Variants in LRBA observed in about 807,000 individuals in gnomAD.
The protein encoded by LRBA is LPS responsive beige-like anchor protein.
LRBA carries 176 observed loss-of-function variants against 330.0 expected under a neutral mutation model. That is an observed-to-expected ratio of 0.53 (90% CI 0.47 to 0.60). The LOEUF is 0.60. Ranked by LOEUF, LRBA falls within the 20% of genes least tolerant of loss-of-function variation. The pLI, the probability that LRBA is intolerant of heterozygous loss-of-function variation, is 0.00. For synonymous variants in LRBA, 1,230 were observed against 1,193.0 expected (o/e 1.03, Z -0.64); for missense variants, 3,259 against 3,444.8 (o/e 0.95, Z 1.35).
chr4:150,408,435 G>A (rs543384522), intron 47 of LRBA, among the ~76,000 whole-genome samples: 33 of 152,198 alleles, frequency 2.2e-4, no homozygotes, highest in South Asian at 4.1e-4. Flanking sequence ...CCTAAATAGC[G>A]TCAGTGGTGA....
chr4:150,725,599 A>G (rs546496958), intron 36 of LRBA, among the ~76,000 whole-genome samples: 37 of 152,352 alleles, frequency 2.4e-4, no homozygotes, highest in African/African-American at 8.4e-4. Flanking sequence ...GAGCTCTACA[A>G]TCTGAAAGAC....
intron 44 of LRBA, among the ~76,000 whole-genome samples, chr4:150,440,223 A>T (rs1581317691): frequency 6.6e-6 from 1 of 152,212 alleles, no homozygotes; most frequent in East Asian, 1.9e-4. Flanking sequence ...TCTTTTAAAA[A>T]ATCAGTAAAA....
At position 150,579,970 on chromosome 4, in the gene LRBA, C is replaced by T. The variant is rs1444378461; in HGVS notation, c.6330+8078G>A. 5.8e-5 allele frequency: 19 copies of T among 325,718 alleles called. No homozygotes were observed. In the Admixed American group the frequency reaches 5.9e-4, roughly 10 times the overall value. 20.2% of individuals were successfully genotyped at this position (325,718 alleles called of 1,614,324 possible). A position where few individuals can be genotyped will look rare whatever the true frequency, so the allele number is the denominator to read the frequency against. On this transcript the variant is annotated intron_variant, in intron 40 of 56. Coordinates refer to ENST00000651943, the MANE Select transcript of LRBA (RefSeq NM_001364905.1). Reference sequence around the variant, plus strand: ...GCCCCCGGAGAAGCAACCACGGAGCCCCTCCCGGCCAGTCGCGCTCTCCCG... The same window carrying T: ...GCCCCCGGAGAAGCAACCACGGAGCTCCTCCCGGCCAGTCGCGCTCTCCCG...
intron 40 of LRBA, among the ~76,000 whole-genome samples, chr4:150,559,765 TTA>T (rs1250989618): frequency 3.5e-5 from 3 of 85,864 alleles, no homozygotes; most frequent in African/African-American, 4.9e-5. Context: ...ACATTATAGA[TTA>T]TATATATTAT....
intron 46 of LRBA, among the ~76,000 whole-genome samples, chr4:150,430,898 T>C (rs1750296910): frequency 6.6e-6 from 1 of 152,060 alleles, no homozygotes; most frequent in Non-Finnish European, 1.5e-5. Flanking sequence ...AAGAAAATAA[T>C]TTAAACTGCA....
chr4:150,512,794 C>T (rs1761968242), intron 40 of LRBA, among the ~76,000 whole-genome samples: 1 of 148,592 alleles, frequency 6.7e-6, no homozygotes, highest in Non-Finnish European at 1.5e-5. Context: ...AAACATGTTT[C>T]TGAACACCTT....
chr4:150,831,746 T>C (rs1042834464), intron 29 of LRBA, 71 bp downstream of exon 29: 1 of 1,186,154 alleles, frequency 8.4e-7, no homozygotes, highest in South Asian at 1.8e-5. Flanking sequence ...CCAATATCAA[T>C]ATTTTAACCA....
intron 2 of LRBA, among the ~76,000 whole-genome samples, chr4:150,947,777 A>G (rs2149537317): frequency 6.6e-6 from 1 of 152,100 alleles, no homozygotes; most frequent in African/African-American, 2.4e-5. Context: ...AAAAACAGAA[A>G]CCTCCTAGAA....
intron 36 of LRBA, among the ~76,000 whole-genome samples, chr4:150,709,552 A>G (rs1276311156): frequency 6.6e-6 from 1 of 151,916 alleles, no homozygotes; most frequent in Non-Finnish European, 1.5e-5. Context: ...ACTACTTTTA[A>G]TCAGGTAAAA....
At chr4:150,564,281 T>C (rs956829865) in intron 40 of LRBA, among the ~76,000 whole-genome samples, 2 of 152,070 alleles carry the variant, frequency 1.3e-5, no homozygotes, top group African/African-American at 4.8e-5. Flanking sequence ...AAACAAGAAA[T>C]GGGGAAAGGA....
intron 48 of LRBA, among the ~76,000 whole-genome samples, chr4:150,344,036 C>G (rs1157558451): frequency 6.6e-6 from 1 of 152,116 alleles, no homozygotes; most frequent in Non-Finnish European, 1.5e-5. Context: ...TTTTGTTCTT[C>G]TCCACTTTCA....
chr4:150,919,279 GTGGTGA>G (rs1007057025), intron 5 of LRBA, among the ~76,000 whole-genome samples: 8 of 152,144 alleles, frequency 5.3e-5, no homozygotes, highest in African/African-American at 1.9e-4. Flanking sequence ...AAAATTGACT[GTGGTGA>G]TGGTTGACAA....
At position 150,418,102 on chromosome 4, in the gene LRBA, G is replaced by A. The variant is rs1011038926; in HGVS notation, c.7042-2512C>T. ...AGTAGTGGCACAATCATAGTTCACC[G>A]TAACCTCAAACTTTAATCGATCTTT... On this transcript the variant is annotated intron_variant, in intron 46 of 56. Transcript: ENST00000651943. 9.3e-5 allele frequency among the ~76,000 whole-genome samples: 14 copies of A among 150,688 alleles called. No individual in the cohort carries two copies. The East Asian group carries it at 9.8e-4, about 11-fold the overall frequency.
chr4:150,553,382 G>C (rs1302036981), intron 40 of LRBA, among the ~76,000 whole-genome samples: 1 of 151,834 alleles, frequency 6.6e-6, no homozygotes, highest in Non-Finnish European at 1.5e-5. Context: ...CGAGTTACTG[G>C]GTGCAGCACA....
chr4:150,905,360 A>G (rs1731212917), intron 13 of LRBA, among the ~76,000 whole-genome samples: 1 of 152,084 alleles, frequency 6.6e-6, no homozygotes, highest in African/African-American at 2.4e-5. Context: ...AGTGTGAAGT[A>G]AAAAAGAGAG....
chr4:150,912,246 C>A (rs1002780730), intron 9 of LRBA, among the ~76,000 whole-genome samples: 2 of 152,142 alleles, frequency 1.3e-5, no homozygotes, highest in Non-Finnish European at 2.9e-5. Context: ...GAGCGGTGGG[C>A]AAGCAAGCAA....
chr4:150,313,328 T>C (rs1309297162), intron 51 of LRBA, among the ~76,000 whole-genome samples: 1 of 152,222 alleles, frequency 6.6e-6, no homozygotes, highest in African/African-American at 2.4e-5. Flanking sequence ...AAATTTTGTT[T>C]ACTGAGTATC....
At chr4:150,991,647 G>GGGGATA (rs1742097579) in intron 2 of LRBA, among the ~76,000 whole-genome samples, 1 of 152,212 alleles carries the variant, frequency 6.6e-6, no homozygotes, top group Admixed American at 6.5e-5. Flanking sequence ...GTGGTTGCCA[G>GGGGATA]GGGATAGGGA....
intron 44 of LRBA, among the ~76,000 whole-genome samples, chr4:150,440,912 G>C (rs923365601): frequency 6.6e-6 from 1 of 151,900 alleles, no homozygotes; most frequent in African/African-American, 2.4e-5. Flanking sequence ...TGACATCTGT[G>C]GTAGAATAAT....
Sources: gnomAD v4.1 joint callset for allele counts (sites outside exome capture counted in the v4.1 genomes callset) on GRCh38, gnomAD v4.1.1 for gene constraint, MANE v1.5 for transcripts, NCBI Gene and HGNC (gene_info 2026-07-23, HGNC 2026-07-21) for gene names.